The following EYS variants were observed in gnomAD, a reference collection of about 807,000 sequenced individuals.
EYS encodes EGF-like photoreceptor maintenance factor, also known as protein eyes shut homolog.
EYS carries 250 observed loss-of-function variants against 282.1 expected under a neutral mutation model. That is an observed-to-expected ratio of 0.89 (90% CI 0.80 to 0.98). The LOEUF (loss-of-function observed/expected upper bound fraction) is 0.98. Ranked by LOEUF, EYS falls within the 50% of genes least tolerant of loss-of-function variation. The pLI, the probability that EYS is intolerant of heterozygous loss-of-function variation, is 0.00. For missense variants in EYS, 4,016 were observed against 3,709.0 expected (o/e 1.08, Z -2.15); for synonymous variants, 1,355 against 1,282.9 (o/e 1.06, Z -1.20).
intron 31 of EYS, among the ~76,000 whole-genome samples, chr6:64,096,832 T>A (rs927303699): frequency 6.6e-6 from 1 of 152,156 alleles, no homozygotes; most frequent in African/African-American, 2.4e-5. Flanking sequence ...GCTGCTCTGG[T>A]TTTTAGAGTT....
At chr6:64,306,846 T>C in intron 30 of EYS, 124 bp downstream of exon 30, 1 of 632,016 alleles carries the variant, frequency 1.6e-6, no homozygotes, top group Non-Finnish European at 2.8e-6. Flanking sequence ...AACGTAGGAA[T>C]GTGAAGCAAA....
intron 26 of EYS, among the ~76,000 whole-genome samples, chr6:64,574,049 G>A (rs1765804913): frequency 6.6e-6 from 1 of 152,118 alleles, no homozygotes; most frequent in Non-Finnish European, 1.5e-5. Context: ...ATGATAGACT[G>A]GACAAAGAAA....
chr6:63,752,122 T>C (rs1192785920), intron 41 of EYS, among the ~76,000 whole-genome samples: 1 of 152,202 alleles, frequency 6.6e-6, no homozygotes, highest in East Asian at 1.9e-4. Context: ...TTGTCAACTA[T>C]AAATCTAGAA....
chr6:65,075,758 A>AT (rs1774031275), intron 12 of EYS, among the ~76,000 whole-genome samples: 1 of 152,012 alleles, frequency 6.6e-6, no homozygotes, highest in Non-Finnish European at 1.5e-5. Context: ...AAGGAGAATT[A>AT]TAGCAACTCT....
chr6:64,802,542 T>G (rs1764278334), intron 22 of EYS, among the ~76,000 whole-genome samples: 1 of 152,200 alleles, frequency 6.6e-6, no homozygotes, highest in Non-Finnish European at 1.5e-5. Flanking sequence ...AACTTAATTT[T>G]ATATTATCCT....
At chr6:65,449,277 T>A (rs567824821) in intron 5 of EYS, among the ~76,000 whole-genome samples, 8 of 152,090 alleles carry the variant, frequency 5.3e-5, no homozygotes, top group African/African-American at 1.9e-4. Context: ...CAGCTGCCTA[T>A]AGCATAGACG....
chr6:65,692,552 T>G (rs1037995967), intron 1 of EYS, among the ~76,000 whole-genome samples: 3 of 150,222 alleles, frequency 2.0e-5, no homozygotes, highest in African/African-American at 7.3e-5. Flanking sequence ...ACATTTTTCC[T>G]TGTGATATTA....
At chr6:64,358,279 G>T (rs559066394) in intron 29 of EYS, among the ~76,000 whole-genome samples, 171 of 151,776 alleles carry the variant, frequency 1.1e-3, no homozygotes, top group Non-Finnish European at 2.2e-3. Flanking sequence ...ACCAGAGGGT[G>T]CCAGAAAGTT....
chr6:65,197,416 G>GA (rs1765797114), intron 12 of EYS, among the ~76,000 whole-genome samples: 1 of 152,078 alleles, frequency 6.6e-6, no homozygotes, highest in African/African-American at 2.4e-5. Flanking sequence ...GGGAGTTCTG[G>GA]AAAGAGGAAT....
At chr6:64,560,448 G>T (rs1582895037) in intron 26 of EYS, among the ~76,000 whole-genome samples, 1 of 152,054 alleles carries the variant, frequency 6.6e-6, no homozygotes, top group African/African-American at 2.4e-5. Context: ...TGGCTTTAAA[G>T]AAAAGTTCCA....
intron 24 of EYS, among the ~76,000 whole-genome samples, chr6:64,594,298 T>A (rs544038088): frequency 6.6e-6 from 1 of 152,314 alleles, no homozygotes; most frequent in African/African-American, 2.4e-5. Flanking sequence ...AGGAAAGAAC[T>A]AACACCAAGT....
chr6:65,501,971 A>G (rs1014594301), intron 2 of EYS, among the ~76,000 whole-genome samples: 1 of 151,680 alleles, frequency 6.6e-6, no homozygotes, highest in African/African-American at 2.4e-5. Flanking sequence ...ATTATGCCTT[A>G]TTTTGTACTT....
At chr6:63,751,964 TG>T in intron 41 of EYS, among the ~76,000 whole-genome samples, 1 of 152,210 alleles carries the variant, frequency 6.6e-6, no homozygotes, top group Admixed American at 6.5e-5. Context: ...ATCGCATGAT[TG>T]TTTTATGATA....
At chr6:64,287,839 G>C (rs371677554) in intron 30 of EYS, among the ~76,000 whole-genome samples, 1 of 152,164 alleles carries the variant, frequency 6.6e-6, no homozygotes, top group Non-Finnish European at 1.5e-5. Context: ...CTCCATGGCT[G>C]ATATGAAGTA....
chr6:65,147,112 A>G (rs1764499122), intron 12 of EYS, among the ~76,000 whole-genome samples: 1 of 151,942 alleles, frequency 6.6e-6, no homozygotes, highest in African/African-American at 2.4e-5. Flanking sequence ...TTTTGGTAAA[A>G]ATTGATTATT....
chr6:65,542,233 C>CA (rs1562249522), intron 2 of EYS, among the ~76,000 whole-genome samples: 1 of 151,932 alleles, frequency 6.6e-6, no homozygotes, highest in African/African-American at 2.4e-5. Context: ...AAATACATTA[C>CA]AAAAAATATT....
rs568908276 is a variant in EYS, at chr6:64,382,911, G to T, written c.6078+5779C>A. The stretch of plus-strand genomic sequence containing the variant: ...AAAAAGTGGAGTGGTGGGAAAAGAG[G>T]TTTCCTTCTGTTGGGTAGGAGCCAG... On this transcript the variant is annotated intron_variant, in intron 29 of 42. Transcript: ENST00000503581. Among the ~76,000 whole-genome samples the T allele has an allele frequency of 7.2e-5, 11 of 152,218 alleles. No homozygotes were observed. In the South Asian group the frequency reaches 2.1e-3, roughly 29 times the overall value.
intron 24 of EYS, among the ~76,000 whole-genome samples, chr6:64,609,848 C>G (rs1348239600): frequency 2.0e-5 from 3 of 151,924 alleles, no homozygotes; most frequent in African/African-American, 7.2e-5. Context: ...CATCATGTCA[C>G]TGCCCTCCAG....
chr6:65,640,746 G>C (rs1767248378), intron 1 of EYS, among the ~76,000 whole-genome samples: 1 of 151,918 alleles, frequency 6.6e-6, no homozygotes, highest in African/African-American at 2.4e-5. Context: ...TTTTTTTATG[G>C]TGTATTTGAT....
Sources: allele counts gnomAD v4.1 joint callset (sites outside exome capture counted in the v4.1 genomes callset), GRCh38; gene constraint gnomAD v4.1.1; transcripts MANE v1.5; gene names NCBI Gene and HGNC (gene_info 2026-07-23, HGNC 2026-07-21).